SERINC2: variants seen among roughly 807,000 people sequenced by gnomAD.
SERINC2 encodes serine incorporator 2, also known as tumor differentially expressed protein 2.
In SERINC2, 56 loss-of-function variants were observed where a neutral mutation model predicts 54.2. That is an observed-to-expected ratio of 1.03 (90% CI 0.83 to 1.29). The LOEUF is 1.29. Among genes scored for constraint, SERINC2 ranks in the 50% most tolerant of loss-of-function variants. SERINC2 has a pLI of 0.00. For missense variants in SERINC2, 614 were observed against 607.4 expected, an observed-to-expected ratio of 1.01 and a Z score of -0.12; for synonymous variants, 272 against 253.1, an observed-to-expected ratio of 1.07 and a Z score of -0.71.
chr1:31,432,117 G>GGAGAGA (rs1641290041), intron 8 of SERINC2, among the ~76,000 whole-genome samples: 5 of 131,012 alleles, frequency 3.8e-5, no homozygotes, highest in Admixed American at 7.4e-5. Flanking sequence ...TGGATAGGGT[G>GGAGAGA]GTTAGGGTGG....
At chr1:31,414,089 G>T (rs1466714786) in intron 1 of SERINC2, 1 of 1,470,168 alleles carries the variant, frequency 6.8e-7, no homozygotes, top group African/African-American at 1.4e-5. Context: ...GGACCACCGG[G>T]CGGAACTCTG....
intron 8 of SERINC2, among the ~76,000 whole-genome samples, chr1:31,432,421 G>A (rs1251016416): frequency 6.6e-6 from 1 of 151,990 alleles, no homozygotes; most frequent in East Asian, 1.9e-4. Flanking sequence ...AATCATTACT[G>A]TTGTTCTTTT....
At chr1:31,417,785 G>A (rs1553132358) in intron 1 of SERINC2, among the ~76,000 whole-genome samples, 1 of 150,788 alleles carries the variant, frequency 6.6e-6, no homozygotes, top group African/African-American at 2.4e-5. Flanking sequence ...TTTGGTGTCT[G>A]GCTTATTTCA....
intron 1 of SERINC2, among the ~76,000 whole-genome samples, chr1:31,420,272 GTC>G (rs1239983066): frequency 6.6e-6 from 1 of 152,158 alleles, no homozygotes; most frequent in African/African-American, 2.4e-5. Context: ...CTTTGACCTG[GTC>G]TCTCTGGCTG....
At position 31,432,972 on chromosome 1, in the gene SERINC2, G is replaced by T. The variant is rs147809380; in HGVS notation, c.1019G>T (p.Arg340Leu). ...FLLCTLFISL[R>L]SSDHRQVNSL... ...CCTTCCTCCCTCCCCTGCAGTCTGC[G>T]CTCCTCAGACCACCGGCAGGTGAAC... Residue 340 changes from arginine to leucine, a missense_variant, in exon 9 of 10, where the codon CGC becomes CTC. Physicochemically the swap from Arg to Leu is moderately radical, Grantham distance 102. Coordinates refer to ENST00000373709, the MANE Select transcript of SERINC2 (RefSeq NM_178865.5). The T allele has an allele frequency of 1.2e-6, 2 of 1,609,364 alleles. No individual in the cohort carries two copies. Among genetic ancestry groups the T allele is most frequent in the South Asian group, 2.2e-5 (2 of 90,666 alleles).
intron 8 of SERINC2, among the ~76,000 whole-genome samples, chr1:31,431,460 C>T (rs898873825): frequency 6.6e-6 from 1 of 152,128 alleles, no homozygotes; most frequent in Non-Finnish European, 1.5e-5. Context: ...AAACTGACAG[C>T]CGGGGAGGAG....
intron 1 of SERINC2, among the ~76,000 whole-genome samples, chr1:31,417,425 A>C (rs1553132330): frequency 6.6e-5 from 10 of 152,116 alleles, no homozygotes. Context: ...TGCCCTGAAA[A>C]TACAGTGTCC....
chr1:31,431,760 G>GGGTGGACAGGGTGGATAGGGTGGTT (rs1641211257), intron 8 of SERINC2, among the ~76,000 whole-genome samples: 1 of 103,684 alleles, frequency 9.6e-6, no homozygotes, highest in Non-Finnish European at 2.1e-5. Flanking sequence ...ATAGGGTGGA[G>GGGTGGACAGGGTGGATAGGGTGGTT]AGGGTGGAGA....
upstream of SERINC2, chr1:31,410,214 T>A: frequency 6.9e-7 from 1 of 1,443,100 alleles, no homozygotes; most frequent in Admixed American, 2.8e-5. Context: ...CTTTTGGGGG[T>A]GCAAGAGACA....
chr1:31,409,865 G>T, upstream of SERINC2: 2 of 1,553,830 alleles, frequency 1.3e-6, no homozygotes, highest in Non-Finnish European at 1.7e-6. Flanking sequence ...AAGAGGGGAT[G>T]GGGAGAGAAT....
Position 31,413,291 on chromosome 1 carries a change from C to T in SERINC2, c.26C>T (p.Ser9Phe). Residue 9 changes from serine to phenylalanine, a missense_variant, in exon 1 of 10, where the codon TCC becomes TTC. By Grantham distance (155) the Ser-to-Phe change is radical (BLOSUM62 -2). Transcript: ENST00000373709. This position sits in a 1 kb window ranked among gnomAD's most constrained non-coding sequence, Gnocchi z 5.0. Reference sequence around the variant, plus strand: ...ATGGGGGCCTGCCTGGGAGCCTGCTCCCTGCTCAGCTGCGTGAGTCCCGAC... The same window carrying T: ...ATGGGGGCCTGCCTGGGAGCCTGCTTCCTGCTCAGCTGCGTGAGTCCCGAC... MGACLGAC[S>F]LLSCASCLCG... is the part of the protein sequence containing the mutation. 7.8e-7 allele frequency: 1 copy of T among 1,275,778 alleles called. No individual in the cohort carries two copies. The highest frequency in any genetic ancestry group is 9.9e-7 in the Non-Finnish European group (1 of 1,013,426). The allele number at this position is 1,275,778 out of a possible 1,614,324, so 79.0% of individuals were successfully genotyped here.
At position 31,424,725 on chromosome 1, in the gene SERINC2, C is replaced by T. The variant is rs782223422; in HGVS notation, c.244C>T (p.Leu82=). ...GGAGGGGGCCGGGATCCCCACCGTC[C>T]TGCAGGGCCACATCGACTGTGGCTC... ...CEEGAGIPTV[L]QGHIDCGSLL... Residue 82 remains leucine (L), a synonymous_variant, in exon 3 of 10, where the codon CTG becomes TTG. Transcript: ENST00000373709. 3 of 1,609,290 alleles carry T rather than the reference C, an allele frequency of 1.9e-6. No individual in the cohort carries two copies. The highest frequency in any genetic ancestry group is 2.5e-6 in the Non-Finnish European group (3 of 1,178,160).
intron 6 of SERINC2, among the ~76,000 whole-genome samples, chr1:31,427,970 GC>G (rs1641090021): frequency 6.6e-6 from 1 of 151,680 alleles, no homozygotes; most frequent in South Asian, 2.1e-4. Context: ...CCAGTGAGCT[GC>G]TCACCTCAGC....
intron 8 of SERINC2, among the ~76,000 whole-genome samples, chr1:31,431,813 A>T (rs797032608): frequency 0.15 from 10,324 of 69,762 alleles, 105 homozygotes; most frequent in Middle Eastern, 0.26. Flanking sequence ...GACAGGGTGG[A>T]CAGGGTGGAT....
chr1:31,413,707 G>C lies in SERINC2; in HGVS notation c.39+403G>C. On this transcript the variant is annotated intron_variant, in intron 1 of 9. Coordinates refer to ENST00000373709, the MANE Select transcript of SERINC2 (RefSeq NM_178865.5). This position sits in a 1 kb window ranked among gnomAD's most constrained non-coding sequence, Gnocchi z 5.0. Reference sequence around the variant, plus strand: ...CCCGTCCCGGACGCCCTGGTTCTCTGTGTAGGTCGCCCGGGCCCCGTCCCT... The same window carrying C: ...CCCGTCCCGGACGCCCTGGTTCTCTCTGTAGGTCGCCCGGGCCCCGTCCCT... The C allele has an allele frequency of 7.9e-7, 1 of 1,262,630 alleles. No individual in the cohort carries two copies. Among genetic ancestry groups the C allele is most frequent in the East Asian group, 3.5e-5 (1 of 28,548 alleles). The allele number at this position is 1,262,630 out of a possible 1,614,324, so 78.2% of individuals were successfully genotyped here. A position where few individuals can be genotyped will look rare whatever the true frequency, so the allele number is the denominator to read the frequency against.
Position 31,425,395 on chromosome 1 carries a change from G to A in SERINC2, c.458G>A (p.Gly153Asp). ...GTGGGTGCCTTCTACATTCCTGACG[G>A]CTCCTTCACCAACAGTAGGCGGACT... ...LTVGAFYIPD[G>D]SFTNIWFYFG... The change falls in exon 4 of 10, where the codon GGC (glycine) becomes GAC (aspartate). Residue 153 changes from glycine to aspartate, a missense_variant. By Grantham distance (94) the Gly-to-Asp change is moderately conservative (BLOSUM62 -1). Transcript: ENST00000373709. The A allele has an allele frequency of 1.2e-6, 2 of 1,610,684 alleles. No individual in the cohort carries two copies. The highest frequency in any genetic ancestry group is 1.7e-6 in the Non-Finnish European group (2 of 1,176,782).
At chr1:31,414,626 C>T (rs955959289) in intron 1 of SERINC2, 16 of 985,464 alleles carry the variant, frequency 1.6e-5, no homozygotes, top group Non-Finnish European at 1.9e-5. Context: ...TGTGCATGTG[C>T]GTGTGCAGGA....
At position 31,425,771 on chromosome 1, in the gene SERINC2, C is replaced by T; in HGVS notation, c.473-5C>T. 1 of 1,612,422 alleles carries T rather than the reference C, an allele frequency of 6.2e-7. No homozygotes were observed. The highest frequency in any genetic ancestry group is 8.5e-7 in the Non-Finnish European group (1 of 1,179,642). On this transcript the variant is annotated splice_polypyrimidine_tract_variant and splice_region_variant and intron_variant, in intron 4 of 9. Coordinates refer to ENST00000373709, the MANE Select transcript of SERINC2 (RefSeq NM_178865.5). ...TCCTCGCCTCACTCCCCTCTCCCCA[C>T]CCAGTCTGGTTCTACTTCGGCGTCG...
At position 31,429,085 on chromosome 1, in the gene SERINC2, G is replaced by A. The variant is rs1641123948; in HGVS notation, c.871+17G>A. 1 of 1,600,636 alleles carries A rather than the reference G, an allele frequency of 6.2e-7. No homozygotes were observed. Among genetic ancestry groups the A allele is most frequent in the Non-Finnish European group, 8.6e-7 (1 of 1,167,772 alleles). Reference sequence around the variant, plus strand: ...GTATCCCTGGTAAGTATGGGCCCAGGCTCAAGGAGGCCTGGCCTCGTTCCT... The same window carrying A: ...GTATCCCTGGTAAGTATGGGCCCAGACTCAAGGAGGCCTGGCCTCGTTCCT... On this transcript the variant is annotated intron_variant, in intron 7 of 9. Coordinates refer to ENST00000373709, the MANE Select transcript of SERINC2 (RefSeq NM_178865.5).
Sources: gnomAD v4.1 joint callset for allele counts (sites outside exome capture counted in the v4.1 genomes callset) on GRCh38, gnomAD v4.1.1 for gene constraint, Gnocchi (gnomAD v3.1) non-coding constraint, MANE v1.5 for transcripts, NCBI Gene and HGNC (gene_info 2026-07-23, HGNC 2026-07-21) for gene names.